MED12L: variants seen among roughly 807,000 people sequenced by gnomAD.
The protein encoded by MED12L is mediator complex subunit 12L, also known as mediator of RNA polymerase II transcription subunit 12-like protein.
In MED12L, 60 loss-of-function variants were observed where a neutral mutation model predicts 281.3. The observed-to-expected ratio is 0.21, with a 90% confidence interval of 0.17 to 0.26. MED12L has a LOEUF of 0.26. Ranked by LOEUF, MED12L falls within the 10% of genes least tolerant of loss-of-function variation. The probability of loss-of-function intolerance (pLI) is 1.00; values close to 1 mark genes in which losing one functional copy is unlikely to be tolerated. For missense variants in MED12L, 2,146 were observed against 2,680.9 expected, an observed-to-expected ratio of 0.80 and a Z score of 4.41; for synonymous variants, 974 against 987.2, an observed-to-expected ratio of 0.99 and a Z score of 0.25.
At chr3:151,384,979 T>G (rs370472607) in intron 35 of MED12L, 51 bp from the exon 36 acceptor site, 1 of 1,000,002 alleles carries the variant, frequency 1.0e-6, no homozygotes, top group African/African-American at 1.6e-5. Flanking sequence ...TTTGCCTTCA[T>G]TGTAATTTCT....
At chr3:151,178,157 C>CAAAAAAAAAAAAAAAAAAAAA (rs10572929) in intron 11 of MED12L, among the ~76,000 whole-genome samples, 1 of 49,124 alleles carries the variant, frequency 2.0e-5, no homozygotes, top group Non-Finnish European at 4.0e-5. Flanking sequence ...GACTTGGTCT[C>CAAAAAAAAAAAAAAAAAAAAA]AAAAAAAAAA....
chr3:151,111,217 T>A (rs1166820921), intron 2 of MED12L, among the ~76,000 whole-genome samples: 1 of 152,226 alleles, frequency 6.6e-6, no homozygotes, highest in East Asian at 1.9e-4. Context: ...GGTTATCACT[T>A]TCTGGAACCA....
At chr3:151,233,564 T>A (rs1285826014) in intron 16 of MED12L, among the ~76,000 whole-genome samples, 1 of 152,096 alleles carries the variant, frequency 6.6e-6, no homozygotes, top group African/African-American at 2.4e-5. Context: ...AGAAACCCTG[T>A]CTCTACTAAA....
At chr3:151,226,226 A>G (rs1306596825) in intron 16 of MED12L, among the ~76,000 whole-genome samples, 1 of 152,230 alleles carries the variant, frequency 6.6e-6, no homozygotes, top group African/African-American at 2.4e-5. Flanking sequence ...GAAGATTGAC[A>G]AATGAGTTGG....
chr3:151,169,539 G>A (rs1420012921), intron 11 of MED12L, among the ~76,000 whole-genome samples: 1 of 152,138 alleles, frequency 6.6e-6, no homozygotes, highest in Non-Finnish European at 1.5e-5. Context: ...TTGTGCAATA[G>A]TGCCCTTCCT....
intron 27 of MED12L, 33 bp from the exon 28 acceptor site, chr3:151,375,993 T>C (rs1310437136): frequency 8.7e-7 from 1 of 1,143,778 alleles, no homozygotes. Context: ...CGAAAGCCAG[T>C]GCCTGTCAAT....
chr3:151,233,223 G>A (rs1271751288), intron 16 of MED12L, among the ~76,000 whole-genome samples: 1 of 152,184 alleles, frequency 6.6e-6, no homozygotes, highest in African/African-American at 2.4e-5. Flanking sequence ...GCACTCTCGT[G>A]CCCTCTGAGT....
chr3:151,174,485 T>G (rs1721806153), intron 11 of MED12L, among the ~76,000 whole-genome samples: 1 of 152,204 alleles, frequency 6.6e-6, no homozygotes, highest in Non-Finnish European at 1.5e-5. Flanking sequence ...CTGTCTTGTT[T>G]CCTCGCAGAA....
intron 23 of MED12L, 151 bp from the exon 24 acceptor site, chr3:151,367,495 A>G (rs952047834): frequency 8.4e-6 from 5 of 592,500 alleles, no homozygotes; most frequent in African/African-American, 3.8e-5. Flanking sequence ...GGCCTAGAGG[A>G]TAATCATCAT....
At chr3:151,198,342 G>GTTTTTTTTTTTTTTTTTTTTTTT in intron 16 of MED12L, 1 of 693,216 alleles carries the variant, frequency 1.4e-6, no homozygotes, top group Non-Finnish European at 2.1e-6. Context: ...GTTTTTTTTT[G>GTTTTTTTTTTTTTTTTTTTTTTT]TTTTTTTTTT....
chr3:151,224,359 A>G (rs1730050579), intron 16 of MED12L, among the ~76,000 whole-genome samples: 1 of 152,090 alleles, frequency 6.6e-6, no homozygotes, highest in South Asian at 2.1e-4. Flanking sequence ...AGAAAATAGT[A>G]TAGATGTATG....
At chr3:151,208,151 G>A (rs1441905379) in intron 16 of MED12L, among the ~76,000 whole-genome samples, 1 of 152,064 alleles carries the variant, frequency 6.6e-6, no homozygotes, top group Non-Finnish European at 1.5e-5. Flanking sequence ...CTTTCATACT[G>A]TTAGCCAGAT....
chr3:151,341,537 T>C (rs758075776), intron 16 of MED12L, among the ~76,000 whole-genome samples: 1 of 150,882 alleles, frequency 6.6e-6, no homozygotes, highest in Non-Finnish European at 1.5e-5. Context: ...AGGGGTGAGA[T>C]TGAAGGGCAA....
chr3:151,181,740 C>A (rs1722728868), intron 11 of MED12L, among the ~76,000 whole-genome samples: 1 of 152,012 alleles, frequency 6.6e-6, no homozygotes, highest in South Asian at 2.1e-4. Flanking sequence ...CATGCGCCAC[C>A]ATACCTGGCT....
In MED12L at chr3:151,143,418, A is replaced by G. The variant is rs894021491; in HGVS notation, c.557-12743A>G. ...AAATTCCAATGCAAAGTGAAAAAAG[A>G]AAATGTAGTTTGTTTATTTTTGCTC... On this transcript the variant is annotated intron_variant, in intron 5 of 44. Coordinates refer to ENST00000687756, the MANE Select transcript of MED12L (RefSeq NM_001393769.1). Among the ~76,000 whole-genome samples, 4 of 152,316 alleles carry G rather than the reference A, an allele frequency of 2.6e-5. No homozygotes were observed. The East Asian group carries it at 5.8e-4, about 22-fold the overall frequency.
At chr3:151,382,614 GAAA>G in intron 32 of MED12L, 39 bp from the exon 33 acceptor site, 1 of 1,462,814 alleles carries the variant, frequency 6.8e-7, no homozygotes, top group Non-Finnish European at 9.4e-7. Context: ...TTAAATGAGA[GAAA>G]AATTAAACTT....
At chr3:151,282,364 T>TG (rs568899955) in intron 16 of MED12L, among the ~76,000 whole-genome samples, 161 of 150,684 alleles carry the variant, frequency 1.1e-3, no homozygotes, top group Non-Finnish European at 1.6e-3. Flanking sequence ...TTTTGTTTTT[T>TG]TTTGTTTGTT....
intron 16 of MED12L, chr3:151,327,909 CT>C: frequency 2.0e-6 from 2 of 1,016,524 alleles, no homozygotes; most frequent in Non-Finnish European, 2.9e-6. Flanking sequence ...TTGTTCCAAT[CT>C]TTTTTTCTTG....
intron 16 of MED12L, among the ~76,000 whole-genome samples, chr3:151,253,439 T>G (rs1737215508): frequency 6.6e-6 from 1 of 152,198 alleles, no homozygotes; most frequent in African/African-American, 2.4e-5. Context: ...CTGTTCTCCC[T>G]CCTCTGGCCT....
Sources: gnomAD v4.1 joint callset for allele counts (sites outside exome capture counted in the v4.1 genomes callset) on GRCh38, gnomAD v4.1.1 for gene constraint, MANE v1.5 for transcripts, NCBI Gene and HGNC (gene_info 2026-07-23, HGNC 2026-07-21) for gene names.